SEMA6D: variants seen among roughly 807,000 people sequenced by gnomAD.
The protein encoded by SEMA6D is semaphorin 6D.
A neutral mutation model predicts 106.6 loss-of-function variants in SEMA6D; 35 were observed. That is an observed-to-expected ratio of 0.33 (90% CI 0.25 to 0.44). The LOEUF is 0.44. Among genes scored for constraint, SEMA6D ranks in the 20% least tolerant of loss-of-function variants. The pLI is 1.00. For synonymous variants in SEMA6D, 499 were observed against 487.7 expected (o/e 1.02, Z -0.31); for missense variants, 1,185 against 1,345.9 (o/e 0.88, Z 1.87).
At chr15:47,422,045 C>G (rs1328065956) in intron 2 of SEMA6D, among the ~76,000 whole-genome samples, 1 of 151,948 alleles carries the variant, frequency 6.6e-6, no homozygotes, top group African/African-American at 2.4e-5. Flanking sequence ...AAGACCGAAA[C>G]TATTCAGCAA....
At chr15:47,365,299 T>C (rs1034957573) in intron 1 of SEMA6D, among the ~76,000 whole-genome samples, 1 of 152,210 alleles carries the variant, frequency 6.6e-6, no homozygotes, top group African/African-American at 2.4e-5. Context: ...CTTTTGCCTC[T>C]TCCTGGGGTT....
intron 1 of SEMA6D, among the ~76,000 whole-genome samples, chr15:47,189,947 G>A (rs560552216): frequency 6.6e-6 from 1 of 152,302 alleles, no homozygotes; most frequent in Admixed American, 6.5e-5. Flanking sequence ...CATCTATGGT[G>A]TATGCCATGT....
At chr15:47,384,827 T>TTTTG (rs1567042656) in intron 1 of SEMA6D, among the ~76,000 whole-genome samples, 3 of 143,926 alleles carry the variant, frequency 2.1e-5, no homozygotes, top group Admixed American at 7.0e-5. Context: ...TTTTTTTTTT[T>TTTTG]TTTTTTTTTT....
intron 3 of SEMA6D, among the ~76,000 whole-genome samples, chr15:47,505,751 A>G (rs1310490005): frequency 6.6e-6 from 1 of 152,204 alleles, no homozygotes; most frequent in Non-Finnish European, 1.5e-5. Flanking sequence ...TTAATATGGC[A>G]AGATGCTAAT....
At chr15:47,468,271 T>C (rs2042724103) in intron 2 of SEMA6D, among the ~76,000 whole-genome samples, 1 of 152,178 alleles carries the variant, frequency 6.6e-6, no homozygotes, top group African/African-American at 2.4e-5. Context: ...ATTGGCATTT[T>C]CTCATGATAG....
At chr15:47,650,483 CA>C (rs1296514681) in intron 4 of SEMA6D, among the ~76,000 whole-genome samples, 9 of 152,072 alleles carry the variant, frequency 5.9e-5, no homozygotes, top group Non-Finnish European at 8.8e-5. Flanking sequence ...ATGTATATAG[CA>C]AAAAAATTCT....
At chr15:47,304,623 A>C (rs1348492222) in intron 1 of SEMA6D, among the ~76,000 whole-genome samples, 2 of 152,118 alleles carry the variant, frequency 1.3e-5, no homozygotes, top group Non-Finnish European at 2.9e-5. Context: ...AAATATTCCA[A>C]ATTTCATTTA....
intron 3 of SEMA6D, among the ~76,000 whole-genome samples, chr15:47,573,578 A>G (rs1251830681): frequency 1.3e-5 from 2 of 152,204 alleles, no homozygotes; most frequent in Admixed American, 6.5e-5. Flanking sequence ...CCAGATGTTC[A>G]TCTTGAGTCT....
intron 3 of SEMA6D, among the ~76,000 whole-genome samples, chr15:47,499,234 A>G (rs1252177298): frequency 6.6e-6 from 1 of 152,100 alleles, no homozygotes; most frequent in African/African-American, 2.4e-5. Flanking sequence ...TCTAAGACCA[A>G]AGATATTTTC....
chr15:47,288,829 C>T (rs976845753), intron 1 of SEMA6D, among the ~76,000 whole-genome samples: 1 of 152,210 alleles, frequency 6.6e-6, no homozygotes, highest in Non-Finnish European at 1.5e-5. Context: ...AGCCCACACT[C>T]TTACTTAGGA....
intron 1 of SEMA6D, among the ~76,000 whole-genome samples, chr15:47,346,303 C>T (rs1166430122): frequency 6.6e-6 from 1 of 152,096 alleles, no homozygotes; most frequent in Non-Finnish European, 1.5e-5. Context: ...CTTGGAAGGC[C>T]ATGGAATAGT....
In SEMA6D at chr15:47,427,573, T is replaced by G. The variant is rs116893181; in HGVS notation, c.-159+15101T>G. ...AAATGAATTTATTTCAAAAAAGAAA[T>G]GTACACTTGGGAAAGGTCACTGGGT... On this transcript the variant is annotated intron_variant, in intron 2 of 19. Coordinates refer to the SEMA6D transcript ENST00000558014. Among the ~76,000 whole-genome samples the G allele has an allele frequency of 1.2e-3, 184 of 152,240 alleles. 5 individuals carry two copies. The East Asian group carries it at 0.034, about 28-fold the overall frequency.
chr15:47,262,845 C>T (rs1246633410), intron 1 of SEMA6D, among the ~76,000 whole-genome samples: 1 of 152,066 alleles, frequency 6.6e-6, no homozygotes, highest in Admixed American at 6.6e-5. Context: ...GGTACAAAAA[C>T]AGACACATAG....
At chr15:47,328,693 A>G (rs896732023) in intron 1 of SEMA6D, among the ~76,000 whole-genome samples, 42 of 152,290 alleles carry the variant, frequency 2.8e-4, no homozygotes, top group African/African-American at 1.0e-3. Context: ...CTCCTACCAC[A>G]ATAAGCTCTA....
At chr15:47,565,864 C>G (rs1432015945) in intron 3 of SEMA6D, among the ~76,000 whole-genome samples, 1 of 152,186 alleles carries the variant, frequency 6.6e-6, no homozygotes, top group African/African-American at 2.4e-5. Flanking sequence ...GTTTGAGACC[C>G]TCTCTCCCTT....
At chr15:47,640,180 A>T (rs145373829) in intron 4 of SEMA6D, among the ~76,000 whole-genome samples, 155 of 152,248 alleles carry the variant, frequency 1.0e-3, no homozygotes, top group African/African-American at 3.6e-3. Context: ...AGCACATATA[A>T]TTTTTTGAAG....
At chr15:47,711,593 C>G (rs1198752332) in intron 4 of SEMA6D, among the ~76,000 whole-genome samples, 2 of 152,170 alleles carry the variant, frequency 1.3e-5, no homozygotes, top group African/African-American at 4.8e-5. Flanking sequence ...TAAAGCCATA[C>G]TCTAACAGTG....
At chr15:47,723,716 T>G (rs1353847168) in intron 1 of SEMA6D, among the ~76,000 whole-genome samples, 1 of 152,218 alleles carries the variant, frequency 6.6e-6, no homozygotes, top group Non-Finnish European at 1.5e-5. Context: ...TGTTCTTTTT[T>G]TATTCAGGAT....
At chr15:47,494,741 G>GATAGATATATATAT (rs1197901780) in intron 3 of SEMA6D, among the ~76,000 whole-genome samples, 5 of 32,982 alleles carry the variant, frequency 1.5e-4, no homozygotes, top group African/African-American at 3.3e-4. Context: ...GTGGGATGGA[G>GATAGATATATATAT]ATATATATAT....
Sources: gnomAD v4.1 joint callset for allele counts (sites outside exome capture counted in the v4.1 genomes callset) on GRCh38, gnomAD v4.1.1 for gene constraint, MANE v1.5 for transcripts, NCBI Gene and HGNC (gene_info 2026-07-23, HGNC 2026-07-21) for gene names.